The following NBAS variants were observed in gnomAD, a reference collection of about 807,000 sequenced individuals.
The protein encoded by NBAS is NAG/BC035112 fusion.
In NBAS, 219 loss-of-function variants were observed where a neutral mutation model predicts 302.5. The ratio of observed to expected loss-of-function variants is 0.72; its 90% CI spans 0.65 to 0.81. The LOEUF (loss-of-function observed/expected upper bound fraction) is 0.81, where lower values mean the gene tolerates loss of function less well. Ranked by LOEUF, NBAS falls within the 30% of genes least tolerant of loss-of-function variation. NBAS has a pLI of 0.00. For missense variants in NBAS, 2,932 were observed against 2,841.6 expected (o/e 1.03, Z -0.72); for synonymous variants, 1,118 against 1,021.6 (o/e 1.09, Z -1.80).
At chr2:14,853,105 A>C in the NBAS span, among the ~76,000 whole-genome samples, 1 of 115,116 alleles carries the variant, frequency 8.7e-6, no homozygotes, top group Admixed American at 9.0e-5. Context: ...TCTGCACAGC[A>C]AAAGAAACTA....
At chr2:14,913,559 G>T in the NBAS span, among the ~76,000 whole-genome samples, 1 of 147,618 alleles carries the variant, frequency 6.8e-6, no homozygotes, top group Non-Finnish European at 1.5e-5. Context: ...AACTAACTGA[G>T]ATATTTCATC....
At chr2:15,527,255 A>G (rs1488125246) in intron 9 of NBAS, among the ~76,000 whole-genome samples, 1 of 152,216 alleles carries the variant, frequency 6.6e-6, no homozygotes, top group African/African-American at 2.4e-5. Flanking sequence ...GAGCTCATAT[A>G]CTATTTGCTG....
At chr2:14,870,940 C>G in the NBAS span, among the ~76,000 whole-genome samples, 1 of 149,570 alleles carries the variant, frequency 6.7e-6, no homozygotes, top group Non-Finnish European at 1.5e-5. Flanking sequence ...TAGGAAACCA[C>G]AAATCAAACT....
intron 47 of NBAS, among the ~76,000 whole-genome samples, chr2:15,219,217 T>C (rs1180068989): frequency 1.3e-5 from 2 of 152,152 alleles, no homozygotes; most frequent in African/African-American, 2.4e-5. Context: ...CAGATAAACA[T>C]CCTTGGCTAG....
intron 44 of NBAS, among the ~76,000 whole-genome samples, chr2:15,255,849 C>T (rs1311216746): frequency 2.6e-5 from 4 of 152,134 alleles, no homozygotes; most frequent in African/African-American, 9.6e-5. Context: ...TGTCAAAGAT[C>T]AGTTGGCTGT....
At chr2:14,976,480 T>G in the NBAS span, among the ~76,000 whole-genome samples, 6 of 152,344 alleles carry the variant, frequency 3.9e-5, no homozygotes, top group African/African-American at 1.2e-4. Flanking sequence ...TCATTGAACA[T>G]TCCAGGCATT....
the NBAS span, among the ~76,000 whole-genome samples, chr2:15,097,738 T>A: frequency 4.6e-5 from 7 of 150,762 alleles, no homozygotes; most frequent in Admixed American, 2.0e-4. Context: ...CCCCACCACC[T>A]AACACCATCA....
chr2:15,147,818 G>C, the NBAS span, among the ~76,000 whole-genome samples: 2 of 151,634 alleles, frequency 1.3e-5, no homozygotes, highest in South Asian at 4.2e-4. Flanking sequence ...ATCAGTTCAT[G>C]ACTGAATTAG....
At chr2:15,536,592 ACT>A in intron 7 of NBAS, 41 bp from the exon 8 acceptor site, 6 of 1,501,586 alleles carry the variant, frequency 4.0e-6, no homozygotes, top group African/African-American at 1.4e-5. Flanking sequence ...AAAAAAAAAA[ACT>A]AGATAAAAGT....
chr2:15,037,078 T>G, the NBAS span, among the ~76,000 whole-genome samples: 1 of 152,202 alleles, frequency 6.6e-6, no homozygotes, highest in Non-Finnish European at 1.5e-5. Flanking sequence ...CAGTGTTTTT[T>G]GGAGCTTAGA....
At chr2:15,034,266 AAG>A in the NBAS span, among the ~76,000 whole-genome samples, 3 of 100,082 alleles carry the variant, frequency 3.0e-5, no homozygotes, top group Non-Finnish European at 6.2e-5. Flanking sequence ...GAAAGAAAGA[AAG>A]AAAGAAAGAG....
chr2:15,238,325 G>T, intron 45 of NBAS, 143 bp downstream of exon 45: 3 of 782,446 alleles, frequency 3.8e-6, no homozygotes, highest in South Asian at 1.7e-5. Flanking sequence ...TCATGAAGAG[G>T]TTAACCAATA....
chr2:15,435,434 C>T (rs547429530), intron 21 of NBAS, among the ~76,000 whole-genome samples: 1 of 152,302 alleles, frequency 6.6e-6, no homozygotes, highest in African/African-American at 2.4e-5. Flanking sequence ...ACTTAACTAT[C>T]TGCAAGCACA....
At chr2:14,920,034 C>T in the NBAS span, among the ~76,000 whole-genome samples, 631 of 152,254 alleles carry the variant, frequency 4.1e-3, 18 homozygotes, top group Admixed American at 0.039. Context: ...TTTGCCAAGG[C>T]CCATCAGGGA....
chr2:14,877,014 G>GC, the NBAS span, among the ~76,000 whole-genome samples: 1 of 152,154 alleles, frequency 6.6e-6, no homozygotes, highest in Non-Finnish European at 1.5e-5. Flanking sequence ...AGTGACACTT[G>GC]CCCCCTCTAA....
At chr2:15,352,662 T>C (rs1673421515) in intron 34 of NBAS, among the ~76,000 whole-genome samples, 1 of 152,048 alleles carries the variant, frequency 6.6e-6, no homozygotes, top group South Asian at 2.1e-4. Context: ...GCGTGCGCAG[T>C]GTGTTTACAG....
the NBAS span, among the ~76,000 whole-genome samples, chr2:14,969,026 A>G: frequency 6.6e-6 from 1 of 152,216 alleles, no homozygotes; most frequent in Non-Finnish European, 1.5e-5. Context: ...AGAGCAATGA[A>G]GTACTGACAA....
At chr2:15,458,868 T>C (rs1679375079) in intron 21 of NBAS, among the ~76,000 whole-genome samples, 1 of 91,794 alleles carries the variant, frequency 1.1e-5, no homozygotes, top group South Asian at 3.1e-4. Context: ...CCAAATGTGT[T>C]TGAAAACAAG....
chr2:14,999,200 C>T, the NBAS span, among the ~76,000 whole-genome samples: 2 of 152,116 alleles, frequency 1.3e-5, no homozygotes, highest in Admixed American at 6.5e-5. Flanking sequence ...AACCTTCCCT[C>T]TCTCGGTGGA....
Sources: allele counts gnomAD v4.1 joint callset (sites outside exome capture counted in the v4.1 genomes callset), GRCh38; gene constraint gnomAD v4.1.1; transcripts MANE v1.5; gene names NCBI Gene and HGNC (gene_info 2026-07-23, HGNC 2026-07-21).